EPB41L4A: variants seen among roughly 807,000 people sequenced by gnomAD.
The protein encoded by EPB41L4A is erythrocyte membrane protein band 4.1 like 4A.
EPB41L4A carries 100 observed loss-of-function variants against 108.6 expected under a neutral mutation model. The ratio of observed to expected loss-of-function variants is 0.92; its 90% CI spans 0.78 to 1.09. The LOEUF is 1.09. Among genes scored for constraint, EPB41L4A ranks in the 50% least tolerant of loss-of-function variants. The pLI is 0.00. For missense variants in EPB41L4A, 1,030 were observed against 842.7 expected, an observed-to-expected ratio of 1.22 and a Z score of -2.75; for synonymous variants, 319 against 289.0, an observed-to-expected ratio of 1.10 and a Z score of -1.05.
chr5:112,217,100 A>T (rs570452771), intron 12 of EPB41L4A, among the ~76,000 whole-genome samples: 7 of 151,920 alleles, frequency 4.6e-5, no homozygotes, highest in Non-Finnish European at 8.8e-5. Flanking sequence ...ACCCACCATC[A>T]TGCCCAGCTA....
intron 1 of EPB41L4A, among the ~76,000 whole-genome samples, chr5:112,402,717 T>C (rs997643544): frequency 9.2e-5 from 14 of 152,190 alleles, no homozygotes; most frequent in African/African-American, 3.4e-4. Flanking sequence ...ATGGGAAGCA[T>C]TTCAAAACAT....
chr5:112,373,601 TC>T (rs1759628390), intron 1 of EPB41L4A, among the ~76,000 whole-genome samples: 1 of 152,198 alleles, frequency 6.6e-6, no homozygotes, highest in African/African-American at 2.4e-5. Context: ...AAAAATCCTA[TC>T]CCCATTTTAC....
intron 1 of EPB41L4A, among the ~76,000 whole-genome samples, chr5:112,372,857 A>T (rs1759579000): frequency 1.3e-5 from 2 of 152,170 alleles, no homozygotes; most frequent in Non-Finnish European, 2.9e-5. Context: ...CAGGCAAGAG[A>T]TGATGGTGCC....
intron 1 of EPB41L4A, chr5:112,363,436 A>T (rs1470492394): frequency 1.3e-5 from 2 of 152,014 alleles, no homozygotes; most frequent in Non-Finnish European, 2.9e-5. Flanking sequence ...AAAAAAAAAA[A>T]ATCAGCCAGG....
intron 1 of EPB41L4A, among the ~76,000 whole-genome samples, chr5:112,351,480 C>T (rs1383220032): frequency 6.6e-6 from 1 of 152,116 alleles, no homozygotes; most frequent in African/African-American, 2.4e-5. Flanking sequence ...AATAAAAAAT[C>T]TTCCAACAAA....
intron 2 of EPB41L4A, among the ~76,000 whole-genome samples, chr5:112,284,178 CCATT>C (rs1249153957): frequency 6.6e-6 from 1 of 152,160 alleles, no homozygotes; most frequent in Admixed American, 6.5e-5. Flanking sequence ...GGGAAGTAGT[CCATT>C]CAGTCTTTCC....
rs1395017165 is a variant in EPB41L4A at position 112,204,391 on chromosome 5, G to A, written c.1360C>T (p.Gln454Ter). 5 of 1,612,576 alleles carry A rather than the reference G, an allele frequency of 3.1e-6. No individual in the cohort carries two copies. The highest frequency in any genetic ancestry group is 1.1e-5 in the South Asian group (1 of 91,056). Residue 454 changes from glutamine (Q) to a stop codon, truncating the protein, a stop_gained, in exon 15 of 23, where the codon CAG becomes TAG. Transcript: ENST00000261486. LOFTEE classifies it high-confidence loss of function. ...TCCGCTTACCTCCTCCTCACAGGCT[G>A]TACAGAATCATTGTCACTTCCACAG... is the stretch of plus-strand genomic sequence containing the variant. ...PSCGSDNDSVQPVRRRKAHNS... is the reference protein window; with the variant it reads ...PSCGSDNDSV
At chr5:112,304,003 C>T (rs1175364739) in intron 2 of EPB41L4A, among the ~76,000 whole-genome samples, 1 of 152,034 alleles carries the variant, frequency 6.6e-6, no homozygotes, top group Non-Finnish European at 1.5e-5. Context: ...AGATCCAGCT[C>T]ACAGACACTG....
intron 1 of EPB41L4A, among the ~76,000 whole-genome samples, chr5:112,382,410 A>G (rs1760231068): frequency 6.6e-6 from 1 of 152,240 alleles, no homozygotes; most frequent in Non-Finnish European, 1.5e-5. Flanking sequence ...ATGACGACAA[A>G]GACTGCAGCC....
chr5:112,275,548 A>C (rs1189255581), intron 3 of EPB41L4A, 144 bp from the exon 4 acceptor site: 11 of 1,042,332 alleles, frequency 1.1e-5, no homozygotes, highest in African/African-American at 1.6e-5. Context: ...CAAGGTTCAG[A>C]ACTGTGACGA....
At position 112,206,334 on chromosome 5, in the gene EPB41L4A, A is replaced by G. The variant is rs546486125; in HGVS notation, c.1179-830T>C. Among the ~76,000 whole-genome samples, 9 of 152,156 alleles carry G rather than the reference A, an allele frequency of 5.9e-5. No homozygotes were observed. In the South Asian group the frequency reaches 1.9e-3, roughly 32 times the overall value. On this transcript the variant is annotated intron_variant, in intron 13 of 22. Transcript: ENST00000261486. ...AGAGGAGTACTTTGTAACAGCCAAC[A>G]AAGAGGAGAGAGGAAAGATGACGAG...
At chr5:112,230,570 A>G (rs1748829574) in intron 12 of EPB41L4A, among the ~76,000 whole-genome samples, 1 of 151,600 alleles carries the variant, frequency 6.6e-6, no homozygotes, top group Admixed American at 6.6e-5. Context: ...CCACTTTTTG[A>G]TGGGTTATTC....
Position 112,164,293 on chromosome 5 carries a change from T to G in EPB41L4A, c.*697A>C, listed in dbSNP as rs1326772013. On this transcript the variant is annotated 3_prime_UTR_variant, in exon 23 of 23. Transcript: ENST00000261486. The stretch of plus-strand genomic sequence containing the variant: ...AGTCTGAAAGTGATGCCTCAGTCCT[T>G]TTGCATCTGGGCACTAGTTGAGAAC... 1 of 152,230 alleles carries G rather than the reference T, an allele frequency of 6.6e-6. No individual in the cohort carries two copies. The highest frequency in any genetic ancestry group is 2.4e-5 in the African/African-American group (1 of 41,448). 9.4% of individuals were successfully genotyped at this position (152,230 alleles called of 1,614,324 possible).
intron 2 of EPB41L4A, among the ~76,000 whole-genome samples, chr5:112,295,255 G>C (rs905064326): frequency 6.6e-6 from 1 of 152,210 alleles, no homozygotes; most frequent in Non-Finnish European, 1.5e-5. Flanking sequence ...AGATGATGTA[G>C]TTGGGAATGA....
At chr5:112,381,551 C>T (rs1760176237) in intron 1 of EPB41L4A, among the ~76,000 whole-genome samples, 1 of 152,180 alleles carries the variant, frequency 6.6e-6, no homozygotes, top group Non-Finnish European at 1.5e-5. Context: ...CAAACATAAG[C>T]AAATAAACAA....
chr5:112,205,463 C>A lies in EPB41L4A; in HGVS notation c.1220G>T (p.Arg407Ile). 6.2e-7 allele frequency: 1 copy of A among 1,613,720 alleles called. No individual in the cohort carries two copies. The highest frequency in any genetic ancestry group is 8.5e-7 in the Non-Finnish European group (1 of 1,179,846). The change falls in exon 14 of 23, where the codon AGA (arginine) becomes ATA (isoleucine). Residue 407 changes from arginine (R) to isoleucine (I), a missense_variant. Arg to Ile is a moderately conservative substitution (Grantham distance 97). Coordinates refer to ENST00000261486, the MANE Select transcript of EPB41L4A (RefSeq NM_022140.5). Reference sequence around the variant, plus strand: ...TTCCCACGGTGCATGAGATTTGCTTCTTTGGGTATCAGGGCTATTTTCATT... The same window carrying A: ...TTCCCACGGTGCATGAGATTTGCTTATTTGGGTATCAGGGCTATTTTCATT... The part of the protein sequence containing the change: ...AKNENSPDTQ[R>I]SKSHAPWEEN...
At chr5:112,381,412 G>A (rs768325362) in intron 1 of EPB41L4A, among the ~76,000 whole-genome samples, 2 of 152,192 alleles carry the variant, frequency 1.3e-5, no homozygotes, top group Non-Finnish European at 2.9e-5. Flanking sequence ...ATGAGGCTTA[G>A]AAAGGTTAAG....
intron 2 of EPB41L4A, among the ~76,000 whole-genome samples, chr5:112,303,383 A>C (rs991445356): frequency 1.3e-5 from 2 of 152,182 alleles, no homozygotes; most frequent in Non-Finnish European, 2.9e-5. Context: ...AGCTTAGTTT[A>C]GATGGTTAAG....
chr5:112,340,421 C>G (rs888331431), intron 1 of EPB41L4A, among the ~76,000 whole-genome samples: 6 of 152,214 alleles, frequency 3.9e-5, no homozygotes, highest in Admixed American at 1.3e-4. Flanking sequence ...CCAGAGAACA[C>G]ATTTTGGGAA....
Sources: allele counts gnomAD v4.1 joint callset (sites outside exome capture counted in the v4.1 genomes callset), GRCh38; gene constraint gnomAD v4.1.1; transcripts MANE v1.5; gene names NCBI Gene and HGNC (gene_info 2026-07-23, HGNC 2026-07-21).